Variants in KAZN observed in about 807,000 individuals in gnomAD.
The protein encoded by KAZN is kazrin, periplakin interacting protein.
A neutral mutation model predicts 87.4 loss-of-function variants in KAZN; 40 were observed. The ratio of observed to expected loss-of-function variants is 0.46; its 90% CI spans 0.36 to 0.60. KAZN has a LOEUF of 0.60. Among genes scored for constraint, KAZN ranks in the 20% least tolerant of loss-of-function variants. The probability of loss-of-function intolerance (pLI) is 0.00; values close to 1 mark genes in which losing one functional copy is unlikely to be tolerated. For synonymous variants in KAZN, 466 were observed against 458.3 expected (o/e 1.02, Z -0.22); for missense variants, 898 against 1,073.9 (o/e 0.84, Z 2.29).
At chr1:14,955,604 C>A (rs1296685555) in intron 1 of KAZN, among the ~76,000 whole-genome samples, 1 of 151,372 alleles carries the variant, frequency 6.6e-6, no homozygotes, top group Non-Finnish European at 1.5e-5. Context: ...TGGTGACCCG[C>A]CCTGGAGGCT....
chr1:14,816,778 A>G (rs1194244428), intron 1 of KAZN, among the ~76,000 whole-genome samples: 1 of 152,216 alleles, frequency 6.6e-6, no homozygotes, highest in Non-Finnish European at 1.5e-5. Context: ...ACATACATAT[A>G]TTTATCTAAA....
At chr1:14,058,038 C>T (rs1255812586) in intron 1 of KAZN, among the ~76,000 whole-genome samples, 3 of 152,198 alleles carry the variant, frequency 2.0e-5, no homozygotes, top group African/African-American at 7.2e-5. Context: ...TGTTATCCTT[C>T]TTGAACACTT....
intron 1 of KAZN, among the ~76,000 whole-genome samples, chr1:14,887,189 C>T (rs4661542): frequency 6.6e-6 from 1 of 152,128 alleles, no homozygotes; most frequent in Non-Finnish European, 1.5e-5. Context: ...TGCCAAAGAC[C>T]TGTTTTATTA....
rs541967318 is a variant in KAZN at position 14,147,745 on chromosome 1, G to A, written c.92-32690G>A. On this transcript the variant is annotated intron_variant, in intron 1 of 16. Coordinates refer to the KAZN transcript ENST00000636203. ...TGGGAGGCAGAGGTTGCAGTGAGCCGAGATCGCGCCACTGCACTCCAGCCT... is the reference window on the plus strand; with the variant it reads ...TGGGAGGCAGAGGTTGCAGTGAGCCAAGATCGCGCCACTGCACTCCAGCCT... Among the ~76,000 whole-genome samples the A allele has an allele frequency of 8.2e-3, 1,242 of 151,256 alleles. 21 individuals are homozygous for A. The highest frequency in any genetic ancestry group is 0.028 in the African/African-American group (1,151 of 41,170).
intron 2 of KAZN, among the ~76,000 whole-genome samples, chr1:14,369,852 A>C (rs1050974236): frequency 6.6e-6 from 1 of 152,238 alleles, no homozygotes; most frequent in African/African-American, 2.4e-5. Context: ...CCATTGTTAC[A>C]GTAATTTGTG....
intron 2 of KAZN, among the ~76,000 whole-genome samples, chr1:14,451,266 C>A (rs1667260175): frequency 1.3e-5 from 2 of 152,156 alleles, no homozygotes; most frequent in East Asian, 1.9e-4. Flanking sequence ...AACCCAGCCC[C>A]CTCAGAGACT....
At chr1:14,851,397 G>T (rs1050710515) in intron 1 of KAZN, among the ~76,000 whole-genome samples, 1 of 152,220 alleles carries the variant, frequency 6.6e-6, no homozygotes, top group Non-Finnish European at 1.5e-5. Flanking sequence ...CCAGCCTTCA[G>T]CTGCCCCACC....
chr1:13,914,570 T>C (rs1639773713), intron 1 of KAZN, among the ~76,000 whole-genome samples: 1 of 152,162 alleles, frequency 6.6e-6, no homozygotes, highest in South Asian at 2.1e-4. Flanking sequence ...GAGTACAGGG[T>C]ATTCCATTAC....
chr1:14,712,375 C>T (rs796187361), intron 1 of KAZN, among the ~76,000 whole-genome samples: 1 of 152,114 alleles, frequency 6.6e-6, no homozygotes, highest in East Asian at 1.9e-4. Flanking sequence ...TTCCAACAGT[C>T]CTTGTCTGTG....
At chr1:14,330,146 C>G (rs546585671) in intron 2 of KAZN, among the ~76,000 whole-genome samples, 2 of 152,242 alleles carry the variant, frequency 1.3e-5, no homozygotes, top group Non-Finnish European at 2.9e-5. Flanking sequence ...GAAAGATGGG[C>G]ACTGGGAGGC....
intron 2 of KAZN, among the ~76,000 whole-genome samples, chr1:14,523,079 C>A (rs1671671876): frequency 6.6e-6 from 1 of 152,180 alleles, no homozygotes; most frequent in Admixed American, 6.5e-5. Context: ...GTCTACTGGT[C>A]CCTCCAGGTT....
At chr1:14,922,545 GC>G (rs1031833863) in intron 1 of KAZN, among the ~76,000 whole-genome samples, 2 of 152,084 alleles carry the variant, frequency 1.3e-5, no homozygotes, top group African/African-American at 4.8e-5. Context: ...AGTTAAAAGT[GC>G]ACTTTGGGAG....
At chr1:14,294,645 GGGCAGTTTCC>G (rs1653977474) in intron 2 of KAZN, among the ~76,000 whole-genome samples, 3 of 144,272 alleles carry the variant, frequency 2.1e-5, no homozygotes, top group African/African-American at 7.5e-5. Context: ...ACCTGAGCCT[GGGCAGTTTCC>G]CTGGCAGGGT....
At chr1:14,982,124 G>T (rs183684966) in intron 2 of KAZN, among the ~76,000 whole-genome samples, 2 of 152,132 alleles carry the variant, frequency 1.3e-5, no homozygotes, top group African/African-American at 4.8e-5. Context: ...TTATCATGCC[G>T]ACTTTACAGT....
intron 1 of KAZN, among the ~76,000 whole-genome samples, chr1:14,878,646 G>A (rs1178758260): frequency 6.6e-6 from 1 of 152,166 alleles, no homozygotes. Flanking sequence ...AACAGGCTTG[G>A]GACAAGGAGG....
chr1:14,065,535 C>G (rs773882046), intron 1 of KAZN, among the ~76,000 whole-genome samples: 1 of 149,754 alleles, frequency 6.7e-6, no homozygotes, highest in Non-Finnish European at 1.5e-5. Flanking sequence ...CTCTTAAACT[C>G]GAAAATCTTG....
Position 14,183,808 on chromosome 1 carries a change from C to T in KAZN, c.249+3216C>T, listed in dbSNP as rs773242728. Among the ~76,000 whole-genome samples the T allele has an allele frequency of 1.3e-4, 20 of 152,136 alleles. No homozygotes were observed. The Middle Eastern group carries it at 0.014, about 103-fold the overall frequency. Reference sequence around the variant, plus strand: ...GCAGGAAGGTCCCCCTCTTGAAGGCCGAGTGCTAAAGGGTAGAGAACTTTC... The same window carrying T: ...GCAGGAAGGTCCCCCTCTTGAAGGCTGAGTGCTAAAGGGTAGAGAACTTTC... On this transcript the variant is annotated intron_variant, in intron 2 of 16. Transcript: ENST00000636203.
At chr1:14,115,351 C>A (rs1644592789) in intron 1 of KAZN, among the ~76,000 whole-genome samples, 1 of 152,180 alleles carries the variant, frequency 6.6e-6, no homozygotes, top group Non-Finnish European at 1.5e-5. Flanking sequence ...TCTTGAATTC[C>A]CACATGTTGT....
At chr1:14,925,283 C>T (rs1659050894) in intron 1 of KAZN, among the ~76,000 whole-genome samples, 1 of 152,196 alleles carries the variant, frequency 6.6e-6, no homozygotes, top group African/African-American at 2.4e-5. Context: ...GAGACAGGAA[C>T]CCCTGCGTCA....
Sources: gnomAD v4.1 joint callset for allele counts (sites outside exome capture counted in the v4.1 genomes callset) on GRCh38, gnomAD v4.1.1 for gene constraint, MANE v1.5 for transcripts, NCBI Gene and HGNC (gene_info 2026-07-23, HGNC 2026-07-21) for gene names.